The following TTC39B variants were observed in gnomAD, a reference collection of about 807,000 sequenced individuals.
TTC39B encodes the protein tetratricopeptide repeat protein 39B.
TTC39B carries 92 observed loss-of-function variants against 96.6 expected under a neutral mutation model. The observed-to-expected ratio is 0.95, with a 90% CI of 0.80 to 1.13. The LOEUF (loss-of-function observed/expected upper bound fraction) is 1.13. TTC39B is among the 50% of genes most tolerant of loss of function. TTC39B has a pLI of 0.00. For missense variants in TTC39B, 955 were observed against 809.3 expected (o/e 1.18, Z -2.18); for synonymous variants, 367 against 299.4 (o/e 1.23, Z -2.33).
At chr9:15,295,718 T>A (rs528825161) in intron 1 of TTC39B, among the ~76,000 whole-genome samples, 2 of 152,196 alleles carry the variant, frequency 1.3e-5, no homozygotes, top group Non-Finnish European at 2.9e-5. Flanking sequence ...TCTGACTTCA[T>A]CCTTCATAAA....
exon 20 of TTC39B, chr9:15,169,828 C>G (rs1184579193): frequency 6.6e-6 from 1 of 151,972 alleles, no homozygotes; most frequent in Non-Finnish European, 1.5e-5. Flanking sequence ...TTTAGTAATG[C>G]AGAGTTAAAA....
At chr9:15,237,651 T>C (rs1384929010) in intron 2 of TTC39B, among the ~76,000 whole-genome samples, 1 of 119,046 alleles carries the variant, frequency 8.4e-6, no homozygotes, top group African/African-American at 3.8e-5. Context: ...TAAAAAATCT[T>C]CTGGAAAAAA....
At chr9:15,206,717 T>C (rs774112530) in intron 6 of TTC39B, among the ~76,000 whole-genome samples, 4 of 152,136 alleles carry the variant, frequency 2.6e-5, no homozygotes, top group African/African-American at 4.8e-5. Context: ...CTGTATTTCA[T>C]AATAGGCTAT....
At chr9:15,177,607 A>T in intron 18 of TTC39B, 90 bp downstream of exon 18, 1 of 818,580 alleles carries the variant, frequency 1.2e-6, no homozygotes, top group Non-Finnish European at 2.0e-6. Flanking sequence ...GTTTAGCAGT[A>T]AGAGATAAAA....
exon 20 of TTC39B, chr9:15,164,233 T>G (rs370822489): frequency 6.6e-6 from 1 of 152,178 alleles, no homozygotes; most frequent in Non-Finnish European, 1.5e-5. Context: ...GAGACTAAAA[T>G]GTAATGAGAA....
At position 15,223,955 on chromosome 9, in the gene TTC39B, T is replaced by G. The variant is rs1015971724; in HGVS notation, c.371+1962A>C. 1.3e-5 allele frequency among the ~76,000 whole-genome samples: 2 copies of G among 152,298 alleles called. 1 individual carries two copies. The highest frequency in any genetic ancestry group is 1.3e-4 in the Admixed American group (2 of 15,300). ...TTTCTTATATTTCACCTCCATTTCCTCTTTTATATAACTTTAACCTCTTCC... is the reference window on the plus strand; with the variant it reads ...TTTCTTATATTTCACCTCCATTTCCGCTTTTATATAACTTTAACCTCTTCC... On this transcript the variant is annotated intron_variant, in intron 3 of 19. Coordinates refer to ENST00000512701, the Ensembl canonical transcript of TTC39B.
At chr9:15,175,036 C>A (rs376886769) in exon 19 of TTC39B, 23 of 1,613,562 alleles carry the variant, frequency 1.4e-5, no homozygotes, top group South Asian at 2.2e-5. Context: ...TTTCTAGGAA[C>A]TTTATGGCCT....
rs1248676218 is a variant in TTC39B at position 15,306,470 on chromosome 9, C to T, written c.240+614G>A. Among the ~76,000 whole-genome samples, 1 of 152,174 alleles carries T rather than the reference C, an allele frequency of 6.6e-6. No homozygotes were observed. The highest frequency in any genetic ancestry group is 1.5e-5 in the Non-Finnish European group (1 of 68,014). On this transcript the variant is annotated intron_variant, in intron 1 of 19. Coordinates refer to ENST00000512701, the Ensembl canonical transcript of TTC39B. The surrounding 1 kb of genome is among the most constrained non-coding windows in gnomAD (Gnocchi z 5.1). ...GACCTGCTAGGGGAAGTGTCCCGGC[C>T]CCGTGGAGGGAGAGGGAAGCACCAC... is the stretch of plus-strand genomic sequence containing the variant.
chr9:15,280,135 T>C (rs1373414888), intron 1 of TTC39B, among the ~76,000 whole-genome samples: 1 of 152,140 alleles, frequency 6.6e-6, no homozygotes, highest in Non-Finnish European at 1.5e-5. Flanking sequence ...TGGCCTCAAG[T>C]AATCGGCCCA....
intron 1 of TTC39B, among the ~76,000 whole-genome samples, chr9:15,289,184 C>T (rs1391868871): frequency 6.6e-6 from 1 of 152,128 alleles, no homozygotes. Context: ...AGGACATTTA[C>T]CAGTGTTGGT....
At chr9:15,230,871 G>C (rs1586922480) in intron 2 of TTC39B, among the ~76,000 whole-genome samples, 2 of 152,202 alleles carry the variant, frequency 1.3e-5, no homozygotes, top group African/African-American at 4.8e-5. Flanking sequence ...CGTAATTCCA[G>C]CTACTCGGGA....
intron 8 of TTC39B, 74 bp from the exon 9 acceptor site, chr9:15,192,769 C>CT (rs1818932801): frequency 1.0e-6 from 1 of 988,830 alleles, no homozygotes; most frequent in Non-Finnish European, 1.5e-6. Context: ...AAATTTTACA[C>CT]TTATGTGCTA....
chr9:15,297,463 G>A (rs549228300), intron 1 of TTC39B, among the ~76,000 whole-genome samples: 67 of 152,284 alleles, frequency 4.4e-4, no homozygotes, highest in Non-Finnish European at 8.4e-4. Flanking sequence ...GCAGGCAGGA[G>A]AGAGAATGTC....
At position 15,285,737 on chromosome 9, in the gene TTC39B, C is replaced by A. The variant is rs190742193; in HGVS notation, c.241-17789G>T. Among the ~76,000 whole-genome samples the A allele has an allele frequency of 1.1e-3, 163 of 152,064 alleles. 1 individual carries two copies. The highest frequency in any genetic ancestry group is 5.8e-3 in the Admixed American group (88 of 15,296). On this transcript the variant is annotated intron_variant, in intron 1 of 19. Transcript: ENST00000512701. ...GGGCTTGGTGGCGGGCGCCTGTAGT[C>A]CCAGCTACTCAGGAGGCTGAGGCAG...
At chr9:15,183,151 T>TA (rs769731343) in intron 16 of TTC39B, among the ~76,000 whole-genome samples, 112 of 152,188 alleles carry the variant, frequency 7.4e-4, no homozygotes, top group Non-Finnish European at 1.4e-3. Context: ...TAAGATATGA[T>TA]AAAAATATAG....
At chr9:15,266,385 G>C (rs985936241) in intron 2 of TTC39B, among the ~76,000 whole-genome samples, 7 of 151,914 alleles carry the variant, frequency 4.6e-5, no homozygotes, top group Non-Finnish European at 7.4e-5. Context: ...ATAATTTAAA[G>C]TCCATAAGTA....
At position 15,168,902 on chromosome 9, in the gene TTC39B, G is replaced by C. The variant is rs1039945456; in HGVS notation, c.*3117C>G. On this transcript the variant is annotated 3_prime_UTR_variant, in exon 20 of 20. Coordinates refer to ENST00000512701, the Ensembl canonical transcript of TTC39B. The stretch of plus-strand genomic sequence containing the variant: ...GTGTCTATCACAACTACCTCTAATA[G>C]TAGCTTTGAAAGAGAAAACATTCAC... 6 of 151,684 alleles carry C rather than the reference G, an allele frequency of 4.0e-5. No homozygotes were observed. In the Middle Eastern group the frequency reaches 0.014, roughly 344 times the overall value. The allele number at this position is 151,684 out of a possible 1,614,324, so 9.4% of individuals were successfully genotyped here.
At chr9:15,265,038 G>T (rs1391894472) in intron 2 of TTC39B, among the ~76,000 whole-genome samples, 3 of 152,088 alleles carry the variant, frequency 2.0e-5, no homozygotes, top group Non-Finnish European at 4.4e-5. Flanking sequence ...GACAAAGGAG[G>T]TATCAAATAT....
chr9:15,296,940 T>C (rs377287179), intron 1 of TTC39B, among the ~76,000 whole-genome samples: 1 of 152,210 alleles, frequency 6.6e-6, no homozygotes, highest in African/African-American at 2.4e-5. Flanking sequence ...TAAGCCATGA[T>C]CACACCACTC....
Sources: allele counts gnomAD v4.1 joint callset (sites outside exome capture counted in the v4.1 genomes callset), GRCh38; gene constraint gnomAD v4.1.1; non-coding constraint Gnocchi (gnomAD v3.1); transcripts MANE v1.5; gene names NCBI Gene and HGNC (gene_info 2026-07-23, HGNC 2026-07-21).